The following RUSC2 variants were observed in gnomAD, a reference collection of about 807,000 sequenced individuals.
RUSC2 encodes AP-4 complex accessory subunit RUSC2.
In RUSC2, 34 loss-of-function variants were observed where a neutral mutation model predicts 122.2. The observed-to-expected ratio is 0.28, with a 90% CI of 0.21 to 0.37. RUSC2 has a LOEUF of 0.37. Among genes scored for constraint, RUSC2 ranks in the 10% least tolerant of loss-of-function variants. RUSC2 has a pLI of 1.00. For missense variants in RUSC2, 1,747 were observed against 1,952.4 expected (o/e 0.89, Z 1.98); for synonymous variants, 784 against 790.0 (o/e 0.99, Z 0.13).
intron 1 of RUSC2, among the ~76,000 whole-genome samples, chr9:35,531,869 C>CA (rs1380966635): frequency 6.6e-6 from 1 of 151,952 alleles, no homozygotes; most frequent in Non-Finnish European, 1.5e-5. Flanking sequence ...ACTAAAAATA[C>CA]AAAAAAATTA....
chr9:35,538,521 C>CA (rs1238659071), intron 1 of RUSC2: 1 of 152,274 alleles, frequency 6.6e-6, no homozygotes, highest in Non-Finnish European at 1.5e-5. Context: ...AGCTGGAAAA[C>CA]AGAGTCATTC....
Position 35,556,136 on chromosome 9 carries a change from T to C in RUSC2, c.2841T>C (p.Asn947=), listed in dbSNP as rs768665924. The C allele has an allele frequency of 2.0e-5, 32 of 1,613,900 alleles. No homozygotes were observed. The South Asian group carries it at 3.5e-4, about 18-fold the overall frequency. ...CCAGCCATCTGAACTGCCGGCTGAA[T>C]GGTGTGTGAGCAGGGTCCCCAGTAC... ...SAASHLNCRL[N]GQAVKPLPLT... is the part of the protein sequence containing the mutation. Residue 947 remains asparagine (N), a splice_region_variant and synonymous_variant, in exon 4 of 12, where the codon AAT becomes AAC. Coordinates refer to ENST00000361226, the MANE Select transcript of RUSC2 (RefSeq NM_014806.5).
At position 35,558,110 on chromosome 9, in the gene RUSC2, G is replaced by A. The variant is rs994706346; in HGVS notation, c.3061-87G>A. The A allele has an allele frequency of 4.0e-5, 63 of 1,585,590 alleles. No individual in the cohort carries two copies. The highest frequency in any genetic ancestry group is 3.5e-4 in the African/African-American group (26 of 74,362). On this transcript the variant is annotated intron_variant, in intron 6 of 11. Transcript: ENST00000361226. The surrounding 1 kb of genome is among the most constrained non-coding windows in gnomAD (Gnocchi z 4.3). ...GGGTTGGGTACTTAGGAATGGGGAC[G>A]GCAAGAGGGGAACCATGAGGGCCTG...
At chr9:35,500,931 C>G (rs748001075) in intron 1 of RUSC2, among the ~76,000 whole-genome samples, 26 of 152,300 alleles carry the variant, frequency 1.7e-4, no homozygotes, top group South Asian at 1.0e-3. Flanking sequence ...GAAGCAGGAT[C>G]ACCTGCCTCA....
At chr9:35,512,377 CT>C (rs1397036591) in intron 1 of RUSC2, among the ~76,000 whole-genome samples, 8 of 152,148 alleles carry the variant, frequency 5.3e-5, no homozygotes. Context: ...CAACATTTAG[CT>C]TTCTCAATGA....
chr9:35,538,275 C>T (rs973821499), intron 1 of RUSC2, among the ~76,000 whole-genome samples: 1 of 152,198 alleles, frequency 6.6e-6, no homozygotes, highest in Admixed American at 6.5e-5. Flanking sequence ...AGAGGGCCTG[C>T]AGCCTCCATG....
At position 35,561,347 on chromosome 9, in the gene RUSC2, A is replaced by G. The variant is rs1347404003; in HGVS notation, c.4516A>G (p.Thr1506Ala). ...VPLAYVTLTP[T>A]PSPTPGSSQN ...CCTGGCCTACGTGACATTGACCCCA[A>G]CTCCAAGTCCAACCCCTGGAAGCAG... Residue 1506 changes from threonine to alanine, a missense_variant, in exon 12 of 12, where the codon ACT becomes GCT. By Grantham distance (58) the Thr-to-Ala change is moderately conservative. Transcript: ENST00000361226. 6.2e-7 allele frequency: 1 copy of G among 1,613,438 alleles called. No individual in the cohort carries two copies. The highest frequency in any genetic ancestry group is 1.3e-5 in the African/African-American group (1 of 74,784).
At chr9:35,492,520 A>G (rs1426392360) in intron 1 of RUSC2, among the ~76,000 whole-genome samples, 3 of 152,040 alleles carry the variant, frequency 2.0e-5, no homozygotes, top group Non-Finnish European at 2.9e-5. Flanking sequence ...ATTTTTGTCA[A>G]ATGAGTCCGT....
In RUSC2 at chr9:35,547,376, C is replaced by G; in HGVS notation, c.855C>G (p.Ser285Arg). The G allele has an allele frequency of 2.5e-6, 4 of 1,614,202 alleles. No individual in the cohort carries two copies. Among genetic ancestry groups the G allele is most frequent in the Non-Finnish European group, 3.4e-6 (4 of 1,180,038 alleles). Residue 285 changes from serine (S) to arginine (R), a missense_variant, in exon 2 of 12, where the codon AGC (serine) becomes AGG (arginine). Transcript: ENST00000361226. The surrounding 1 kb of genome is among the most constrained non-coding windows in gnomAD (Gnocchi z 4.6). ...NSSDGVLVTF[S>R]TLYNKMHGTP... ...CAGATGGTGTGCTGGTCACCTTCAGCACCCTCTACAACAAGATGCATGGCA... is the reference window on the plus strand; with the variant it reads ...CAGATGGTGTGCTGGTCACCTTCAGGACCCTCTACAACAAGATGCATGGCA...
rs1167606654 is a variant in RUSC2 at position 35,561,864 on chromosome 9, C to T, written c.*482C>T. 7.5e-6 allele frequency: 5 copies of T among 667,686 alleles called. No homozygotes were observed. Among genetic ancestry groups the T allele is most frequent in the Admixed American group, 2.3e-5 (1 of 44,046 alleles). 41.4% of individuals were successfully genotyped at this position (667,686 alleles called of 1,614,324 possible). A position where few individuals can be genotyped will look rare whatever the true frequency, so the allele number is the denominator to read the frequency against. On this transcript the variant is annotated 3_prime_UTR_variant, in exon 12 of 12. Transcript: ENST00000361226. ...TGTATTTATTTATTTATTTATTATA[C>T]CTATTAATAAAAAAGGTGCTCAGCC...
At chr9:35,492,471 A>T (rs1032728400) in intron 1 of RUSC2, among the ~76,000 whole-genome samples, 3 of 152,086 alleles carry the variant, frequency 2.0e-5, no homozygotes. Context: ...TACCCAGGAA[A>T]AAAAAAAAAC....
chr9:35,554,321 G>C (rs928217875), intron 2 of RUSC2, among the ~76,000 whole-genome samples: 2 of 152,182 alleles, frequency 1.3e-5, no homozygotes, highest in Non-Finnish European at 2.9e-5. Flanking sequence ...TCCGTTCAGG[G>C]GGAGCAAATG....
intron 1 of RUSC2, among the ~76,000 whole-genome samples, chr9:35,512,884 ATTAAGT>A (rs1160684609): frequency 6.6e-6 from 1 of 152,152 alleles, no homozygotes; most frequent in Non-Finnish European, 1.5e-5. Flanking sequence ...AAATAATAAC[ATTAAGT>A]TTAACCTTAT....
chr9:35,555,077 C>T lies in RUSC2; in HGVS notation c.2032C>T (p.Arg678Ter), dbSNP rs1821980513. The change falls in exon 3 of 12, where the codon CGA becomes TGA. Residue 678 changes from arginine (R) to a stop codon, truncating the protein, a stop_gained. Transcript: ENST00000361226. LOFTEE classifies it high-confidence loss of function. The surrounding 1 kb of genome is among the most constrained non-coding windows in gnomAD (Gnocchi z 4.6). The stretch of plus-strand genomic sequence containing the variant: ...TGCTACAGGGGGTGGCACCGAGAGC[C>T]GACCAGTCCTTCGCTACAGCAAGGA... ...ARADGGGTES[R>*]PVLRYSKEQR... The T allele has an allele frequency of 1.9e-6, 3 of 1,612,646 alleles. No homozygotes were observed. The highest frequency in any genetic ancestry group is 2.5e-6 in the Non-Finnish European group (3 of 1,180,010).
At chr9:35,514,432 T>G (rs1821066508) in intron 1 of RUSC2, among the ~76,000 whole-genome samples, 1 of 152,126 alleles carries the variant, frequency 6.6e-6, no homozygotes, top group African/African-American at 2.4e-5. Context: ...TTAGGGAATT[T>G]GGATTTTATG....
At chr9:35,534,998 T>G (rs758715623) in intron 1 of RUSC2, among the ~76,000 whole-genome samples, 1 of 152,116 alleles carries the variant, frequency 6.6e-6, no homozygotes, top group Non-Finnish European at 1.5e-5. Flanking sequence ...ATTTTTTCAT[T>G]TTGCCAGCAG....
At chr9:35,517,097 C>A (rs1185458676) in intron 1 of RUSC2, among the ~76,000 whole-genome samples, 1 of 151,910 alleles carries the variant, frequency 6.6e-6, no homozygotes, top group Non-Finnish European at 1.5e-5. Flanking sequence ...GCCCACAAAG[C>A]TGAAATATTT....
chr9:35,554,919 C>A, intron 2 of RUSC2, 141 bp from the exon 3 acceptor site: 1 of 869,024 alleles, frequency 1.2e-6, no homozygotes, highest in Non-Finnish European at 1.8e-6. Flanking sequence ...AGCAGTGTCC[C>A]ATTCCACGAA....
intron 1 of RUSC2, among the ~76,000 whole-genome samples, chr9:35,498,260 C>G (rs1055146086): frequency 2.6e-5 from 4 of 151,914 alleles, no homozygotes; most frequent in Non-Finnish European, 4.4e-5. Flanking sequence ...AAAAGAATGC[C>G]AGGTTTGGTG....
Sources: gnomAD v4.1 joint callset for allele counts (sites outside exome capture counted in the v4.1 genomes callset) on GRCh38, gnomAD v4.1.1 for gene constraint, Gnocchi (gnomAD v3.1) non-coding constraint, MANE v1.5 for transcripts, NCBI Gene and HGNC (gene_info 2026-07-23, HGNC 2026-07-21) for gene names.